Variants in MCF2L2 observed in about 807,000 individuals in gnomAD.
The protein encoded by MCF2L2 is probable guanine nucleotide exchange factor MCF2L2.
A neutral mutation model predicts 150.2 loss-of-function variants in MCF2L2; 102 were observed. The ratio of observed to expected loss-of-function variants is 0.68; its 90% CI spans 0.58 to 0.80. The LOEUF is 0.80. MCF2L2 is among the 30% of genes least tolerant of loss of function. MCF2L2 has a pLI of 0.00. For missense variants in MCF2L2, 1,256 were observed against 1,372.8 expected (o/e 0.91, Z 1.34); for synonymous variants, 465 against 491.3 (o/e 0.95, Z 0.71).
At chr3:183,247,490 T>C (rs1325772760) in intron 15 of MCF2L2, among the ~76,000 whole-genome samples, 7 of 152,180 alleles carry the variant, frequency 4.6e-5, no homozygotes, top group Non-Finnish European at 1.0e-4. Context: ...TAGGAAAACC[T>C]CATTACTTCA....
intron 5 of MCF2L2, among the ~76,000 whole-genome samples, chr3:183,338,212 C>T (rs1365585019): frequency 2.6e-5 from 4 of 151,640 alleles, no homozygotes; most frequent in South Asian, 2.1e-4. Context: ...TTTGGGAGGC[C>T]GATGCGGGTG....
chr3:183,337,234 T>C (rs1250348078), intron 5 of MCF2L2, among the ~76,000 whole-genome samples: 1 of 152,144 alleles, frequency 6.6e-6, no homozygotes, highest in South Asian at 2.1e-4. Context: ...TCATTTCTTC[T>C]GGTTGGGTCA....
chr3:183,345,047 C>G (rs1730846527), intron 3 of MCF2L2, among the ~76,000 whole-genome samples: 1 of 152,156 alleles, frequency 6.6e-6, no homozygotes, highest in Non-Finnish European at 1.5e-5. Flanking sequence ...AGGACTTGAA[C>G]TCAGCTCTGG....
Position 183,209,140 on chromosome 3 carries a change from A to C in MCF2L2, c.2497-1317T>G, listed in dbSNP as rs533393305. The stretch of plus-strand genomic sequence containing the variant: ...CATGAGGACCCTGGAGAATTTTTTC[A>C]CTCTATCTGCATCCATCAAGGACCC... On this transcript the variant is annotated intron_variant, in intron 22 of 29. Transcript: ENST00000328913. Among the ~76,000 whole-genome samples the C allele has an allele frequency of 2.2e-3, 339 of 152,230 alleles. 3 individuals carry two copies. The highest frequency in any genetic ancestry group is 7.9e-3 in the African/African-American group (329 of 41,522).
intron 1 of MCF2L2, among the ~76,000 whole-genome samples, chr3:183,411,994 G>A (rs1715336486): frequency 6.6e-6 from 1 of 152,144 alleles, no homozygotes; most frequent in Admixed American, 6.5e-5. Context: ...TCTGTGAAAT[G>A]CACAGAAGGT....
chr3:183,272,959 A>T, intron 15 of MCF2L2: 1 of 1,447,762 alleles, frequency 6.9e-7, no homozygotes, highest in Non-Finnish European at 9.1e-7. Flanking sequence ...ATAGAATGGA[A>T]CAAGTTTAAA....
At chr3:183,422,172 C>G (rs73186921) in intron 1 of MCF2L2, among the ~76,000 whole-genome samples, 12,899 of 152,260 alleles carry the variant, frequency 0.085, 571 homozygotes, top group African/African-American at 0.095. Context: ...GTTCAGAGGA[C>G]TCTCTGATAA....
chr3:183,200,437 A>C (rs1314869867), intron 25 of MCF2L2, among the ~76,000 whole-genome samples: 1 of 152,080 alleles, frequency 6.6e-6, no homozygotes, highest in Non-Finnish European at 1.5e-5. Context: ...TTGAGAAGTG[A>C]CCGTTCATAT....
At chr3:183,312,118 G>T (rs914880071) in intron 7 of MCF2L2, among the ~76,000 whole-genome samples, 10 of 152,300 alleles carry the variant, frequency 6.6e-5, no homozygotes, top group African/African-American at 2.4e-4. Flanking sequence ...ACAAGAAAAT[G>T]ATAGATACTG....
At chr3:183,377,735 G>A (rs1033863805) in intron 3 of MCF2L2, 1 of 152,196 alleles carries the variant, frequency 6.6e-6, no homozygotes, top group Non-Finnish European at 1.5e-5. Context: ...TCGAAGAGAT[G>A]AGGTCAGAGT....
chr3:183,345,497 A>G (rs1335088822), intron 3 of MCF2L2, among the ~76,000 whole-genome samples: 2 of 152,182 alleles, frequency 1.3e-5, no homozygotes, highest in South Asian at 2.1e-4. Flanking sequence ...CCCTAACATC[A>G]CAATTAAAAG....
rs1213173652 is a variant in MCF2L2 at position 183,197,581 on chromosome 3, C to T, written c.2885-2326G>A. 2.0e-5 allele frequency among the ~76,000 whole-genome samples: 3 copies of T among 151,920 alleles called. No homozygotes were observed. Among genetic ancestry groups the T allele is most frequent in the South Asian group, 2.1e-4 (1 of 4,820 alleles). On this transcript the variant is annotated intron_variant, in intron 25 of 29. Coordinates refer to ENST00000328913, the MANE Select transcript of MCF2L2 (RefSeq NM_015078.4). The surrounding 1 kb of genome is among the most constrained non-coding windows in gnomAD (Gnocchi z 4.5). The stretch of plus-strand genomic sequence containing the variant: ...GATAACGATTTCTTAGGCAGGATAC[C>T]GAAAACATGATACATACAGTTTTTA...
Position 183,379,330 on chromosome 3 carries a change from A to C in MCF2L2, c.242T>G (p.Leu81Arg), listed in dbSNP as rs778129942. The change falls in exon 3 of 30, where the codon CTG (leucine) becomes CGG (arginine). Residue 81 changes from leucine to arginine, a missense_variant. Leu to Arg is a moderately radical substitution (Grantham distance 102). Transcript: ENST00000328913. ...GCTAGTCAGGTAGGTCATGACATTCAGGAAGTCTTCATCTGGGATGTGTTT... is the reference window on the plus strand; with the variant it reads ...GCTAGTCAGGTAGGTCATGACATTCCGGAAGTCTTCATCTGGGATGTGTTT... ...GFKHIPDEDF[L>R]NVMTYLTSIP... 1 of 1,611,520 alleles carries C rather than the reference A, an allele frequency of 6.2e-7. No individual in the cohort carries two copies. The highest frequency in any genetic ancestry group is 1.7e-5 in the Admixed American group (1 of 59,586).
Position 183,323,239 on chromosome 3 carries a change from C to A in MCF2L2, c.599G>T (p.Arg200Leu). 6 of 1,603,820 alleles carry A rather than the reference C, an allele frequency of 3.7e-6. No homozygotes were observed. The South Asian group carries it at 5.5e-5, about 15-fold the overall frequency. ...CACACGTAAGCTGGTACTCACAGTG[C>A]GGTGATTTACCCACTGACCGTGGCG... ...EYRHGQWVNH[R>L]TAIENFALTL... Residue 200 changes from arginine to leucine, a missense_variant, in exon 6 of 30, where the codon CGC (arginine) becomes CTC (leucine). Physicochemically the swap from Arg to Leu is moderately radical, Grantham distance 102. Transcript: ENST00000328913.
intron 1 of MCF2L2, among the ~76,000 whole-genome samples, chr3:183,402,371 G>A (rs567335324): frequency 1.3e-5 from 2 of 150,548 alleles, no homozygotes; most frequent in African/African-American, 2.4e-5. Context: ...GGAGAATGGC[G>A]TGACCTCGGG....
intron 1 of MCF2L2, among the ~76,000 whole-genome samples, chr3:183,415,884 C>G (rs1267174880): frequency 1.3e-5 from 2 of 152,062 alleles, no homozygotes. Context: ...CTTAATATTA[C>G]TGATATAGTG....
chr3:183,244,255 G>C (rs1200671129), intron 15 of MCF2L2, among the ~76,000 whole-genome samples: 1 of 151,082 alleles, frequency 6.6e-6, no homozygotes, highest in East Asian at 1.9e-4. Flanking sequence ...TCTTTCTCCA[G>C]TGCTGGATGC....
chr3:183,380,694 G>A lies in MCF2L2; in HGVS notation c.161-1283C>T, dbSNP rs796152278. ...TGGGATTACAGGCATGAGCCACCAC[G>A]CCCAGCCCAGGTAGTTCCCAACTTC... is the stretch of plus-strand genomic sequence containing the variant. On this transcript the variant is annotated intron_variant, in intron 2 of 29. Coordinates refer to ENST00000328913, the MANE Select transcript of MCF2L2 (RefSeq NM_015078.4). 3.9e-5 allele frequency among the ~76,000 whole-genome samples: 6 copies of A among 152,270 alleles called. No homozygotes were observed. In the South Asian group the frequency reaches 8.3e-4, roughly 21 times the overall value.
rs140282840 is a variant in MCF2L2, at chr3:183,402,303, G to A, written c.77-12524C>T. On this transcript the variant is annotated intron_variant, in intron 1 of 29. Coordinates refer to ENST00000328913, the MANE Select transcript of MCF2L2 (RefSeq NM_015078.4). ...CTAAAAATGCAAAAAAAAATTAGCC[G>A]GGCGTGGTGGGTTTTTCCCGGGTGC... is the stretch of plus-strand genomic sequence containing the variant. Among the ~76,000 whole-genome samples the A allele has an allele frequency of 6.5e-4, 99 of 151,734 alleles. 1 individual carries two copies. Among genetic ancestry groups the A allele is most frequent in the African/African-American group, 2.1e-3 (89 of 41,398 alleles).
Sources: gnomAD v4.1 joint callset for allele counts (sites outside exome capture counted in the v4.1 genomes callset) on GRCh38, gnomAD v4.1.1 for gene constraint, Gnocchi (gnomAD v3.1) non-coding constraint, MANE v1.5 for transcripts, NCBI Gene and HGNC (gene_info 2026-07-23, HGNC 2026-07-21) for gene names.